C8orf58: variants seen among roughly 807,000 people sequenced by gnomAD.
C8orf58 encodes the protein uncharacterized protein C8orf58.
Under a neutral mutation model 36.8 loss-of-function variants are expected in C8orf58, and 31 were observed. The observed-to-expected ratio is 0.84, with a 90% confidence interval of 0.63 to 1.14. The LOEUF is 1.14. C8orf58 is among the 50% of genes most tolerant of loss of function. The pLI is 0.00. For synonymous variants in C8orf58, 230 were observed against 200.2 expected (o/e 1.15, Z -1.26); for missense variants, 538 against 480.8 (o/e 1.12, Z -1.11).
chr8:22,600,794 CT>C, intron 1 of C8orf58, 87 bp from the exon 2 acceptor site: 1 of 1,160,274 alleles, frequency 8.6e-7, no homozygotes, highest in Non-Finnish European at 1.2e-6. Context: ...CTCCGGGACA[CT>C]TCTCCCTGGG....
chr8:22,602,456 G>A, intron 5 of C8orf58, 81 bp from the exon 6 acceptor site: 2 of 1,371,884 alleles, frequency 1.5e-6, no homozygotes, highest in Non-Finnish European at 2.1e-6. Flanking sequence ...TGTCCTGGCT[G>A]TGGCGACAGC....
rs529077410 is a variant in C8orf58 at position 22,601,108 on chromosome 8, C to A, written c.267C>A (p.Asp89Glu). The part of the protein sequence containing the change: ...PLAALPGLSQ[D>E]SLDFESSGSS... ...CCGCCTTACCGGGCCTTTCTCAGGACTCCCTGGACTTTGAATCCTCAGGGA... is the reference window on the plus strand; with the variant it reads ...CCGCCTTACCGGGCCTTTCTCAGGAATCCCTGGACTTTGAATCCTCAGGGA... The change falls in exon 2 of 7, where the codon GAC (aspartate) becomes GAA (glutamate). Residue 89 changes from aspartate to glutamate, a missense_variant. Physicochemically the swap from Asp to Glu is conservative, Grantham distance 45. Transcript: ENST00000289989. 1.2e-6 allele frequency: 2 copies of A among 1,612,424 alleles called. No homozygotes were observed. The highest frequency in any genetic ancestry group is 2.7e-5 in the African/African-American group (2 of 75,050).
rs59546661 is a variant in C8orf58, at chr8:22,603,118, C to T, written c.987-77C>T. 5,908 of 1,141,588 alleles carry T rather than the reference C, an allele frequency of 5.2e-3. 162 individuals carry two copies. In the East Asian group the frequency reaches 0.068, roughly 13 times the overall value. 70.7% of individuals were successfully genotyped at this position (1,141,588 alleles called of 1,614,324 possible). On this transcript the variant is annotated intron_variant, in intron 6 of 6. Transcript: ENST00000289989. ...ACCCAGCTACCCACCAGCAGATAAACCACGTTCTCTCAACTCTAGGGCCAT... is the reference window on the plus strand; with the variant it reads ...ACCCAGCTACCCACCAGCAGATAAATCACGTTCTCTCAACTCTAGGGCCAT...
At chr8:22,602,160 G>T in intron 4 of C8orf58, 40 bp from the exon 5 acceptor site, 1 of 1,562,172 alleles carries the variant, frequency 6.4e-7, no homozygotes, top group Non-Finnish European at 8.7e-7. Flanking sequence ...GCTTGATGGG[G>T]TGTCTTCTGG....
chr8:22,603,195 G>C lies in C8orf58; in HGVS notation c.987G>C (p.Arg329Ser), dbSNP rs1800924290. 5 of 1,607,578 alleles carry C rather than the reference G, an allele frequency of 3.1e-6. No individual in the cohort carries two copies. Among genetic ancestry groups the C allele is most frequent in the Non-Finnish European group, 4.3e-6 (5 of 1,174,238 alleles). The change falls in exon 7 of 7, where the codon AGG (arginine) becomes AGC (serine). Residue 329 changes from arginine (R) to serine (S), a missense_variant and splice_region_variant. Physicochemically the swap from Arg to Ser is moderately radical, Grantham distance 110. Transcript: ENST00000289989. ...CTAATGTCTTCTTTTCATTCCACAG[G>C]ATCGAGTCCAGGGACCTCCCTGAAA... is the stretch of plus-strand genomic sequence containing the variant. ...PPAPPDGSDP[R>S]IESRDLPERP... is the part of the protein sequence containing the mutation.
At chr8:22,602,353 T>C in intron 5 of C8orf58, 41 bp downstream of exon 5, 1 of 152,768 alleles carries the variant, frequency 6.5e-6, no homozygotes, top group Non-Finnish European at 1.3e-5. Flanking sequence ...TGGGCTGGGG[T>C]GGGGGGAGGG....
chr8:22,603,782 C>T lies in C8orf58; in HGVS notation c.*476C>T, dbSNP rs1421433738. On this transcript the variant is annotated 3_prime_UTR_variant, in exon 7 of 7. Transcript: ENST00000289989. ...CAGAAGGATGGAACTGACCTTTATTCCCCAGTGGGCAGTTACTGAGCTTTC... is the reference window on the plus strand; with the variant it reads ...CAGAAGGATGGAACTGACCTTTATTTCCCAGTGGGCAGTTACTGAGCTTTC... 1 of 248,936 alleles carries T rather than the reference C, an allele frequency of 4.0e-6. No individual in the cohort carries two copies. The highest frequency in any genetic ancestry group is 4.4e-5 in the South Asian group (1 of 22,560). 15.4% of individuals were successfully genotyped at this position (248,936 alleles called of 1,614,324 possible).
At position 22,601,751 on chromosome 8, in the gene C8orf58, G is replaced by T. The variant is rs925227669; in HGVS notation, c.556G>T (p.Gly186Trp). 3.7e-6 allele frequency: 6 copies of T among 1,612,010 alleles called. No individual in the cohort carries two copies. Among genetic ancestry groups the T allele is most frequent in the Non-Finnish European group, 5.1e-6 (6 of 1,179,666 alleles). ...LGPGAWACLP[G>W]QGLRYLEHLC... is the part of the protein sequence containing the mutation. ...GCCTGGAGCCTGGGCCTGCCTCCCC[G>T]GGCAGGGTCTTCGCTATCTGGAACA... is the stretch of plus-strand genomic sequence containing the variant. The change falls in exon 3 of 7, where the codon GGG becomes TGG. Residue 186 changes from glycine (G) to tryptophan (W), a missense_variant. Transcript: ENST00000289989.
At chr8:22,601,662 G>C (rs1800860707) in intron 2 of C8orf58, 50 bp from the exon 3 acceptor site, 1 of 1,555,250 alleles carries the variant, frequency 6.4e-7, no homozygotes, top group Non-Finnish European at 8.7e-7. Context: ...CTTAGGGTAG[G>C]GCAGGAGCCC....
chr8:22,603,942 A>G lies in C8orf58; in HGVS notation c.*636A>G. The G allele has an allele frequency of 6.0e-6, 1 of 166,324 alleles. No individual in the cohort carries two copies. The allele number at this position is 166,324 out of a possible 1,614,324, so 10.3% of individuals were successfully genotyped here. ...ATCAGGGACAACCTGGGAACTGAAT[A>G]ACTTTCAAAGCCAGTGCTCAGCTTC... On this transcript the variant is annotated 3_prime_UTR_variant, in exon 7 of 7. Transcript: ENST00000289989.
intron 6 of C8orf58, 196 bp from the exon 7 acceptor site, chr8:22,602,999 G>C (rs187959223): frequency 0.012 from 7,469 of 603,552 alleles, 144 homozygotes; most frequent in South Asian, 0.063. Flanking sequence ...GGATTTCACA[G>C]TGGGTGAAGG....
At position 22,601,870 on chromosome 8, in the gene C8orf58, G is replaced by T. The variant is rs766470868; in HGVS notation, c.657+18G>T. ...CCCCAGGGGTGAGTGAGATTCGAGT[G>T]GGGGAGGGAGAGGACAGATGGGACC... On this transcript the variant is annotated intron_variant, in intron 3 of 6. Coordinates refer to ENST00000289989, the MANE Select transcript of C8orf58 (RefSeq NM_001013842.3). 7.5e-6 allele frequency: 12 copies of T among 1,592,888 alleles called. No individual in the cohort carries two copies. The highest frequency in any genetic ancestry group is 1.0e-5 in the Non-Finnish European group (12 of 1,168,440).
At chr8:22,600,809 G>A (rs896982917) in intron 1 of C8orf58, 73 bp from the exon 2 acceptor site, 10 of 1,304,052 alleles carry the variant, frequency 7.7e-6, no homozygotes, top group Non-Finnish European at 1.1e-5. Context: ...CCCTGGGGCA[G>A]TGCTGCCAGC....
Position 22,602,289 on chromosome 8 carries a change from T to C in C8orf58, c.856T>C (p.Leu286=). The C allele has an allele frequency of 6.4e-7, 1 of 1,561,658 alleles. No individual in the cohort carries two copies. Among genetic ancestry groups the C allele is most frequent in the South Asian group, 1.1e-5 (1 of 88,540 alleles). The change falls in exon 5 of 7, where the codon TTG becomes CTG. Residue 286 remains leucine (L), a synonymous_variant. Coordinates refer to ENST00000289989, the MANE Select transcript of C8orf58 (RefSeq NM_001013842.3). ...AACCCCAGTGGAGCCAACGTACCAC[T>C]TGCCATCCTCCCAGGGACACAAGGT... The part of the protein sequence containing the change: ...PETPVEPTYH[L]PSSQGHKRDI...
At chr8:22,600,788 G>C (rs1015491737) in intron 1 of C8orf58, 94 bp from the exon 2 acceptor site, 13 of 1,092,476 alleles carry the variant, frequency 1.2e-5, no homozygotes, top group Non-Finnish European at 1.6e-5. Flanking sequence ...TCACTGCTCC[G>C]GGACACTTCT....
intron 1 of C8orf58, chr8:22,600,101 C>T (rs1800806560): frequency 9.2e-6 from 2 of 216,876 alleles, no homozygotes; most frequent in Admixed American, 5.9e-5. Context: ...CACCCAGTGA[C>T]CTCCTGGCCC....
At position 22,601,248 on chromosome 8, in the gene C8orf58, G is replaced by T; in HGVS notation, c.407G>T (p.Arg136Leu). 6.2e-7 allele frequency: 1 copy of T among 1,609,504 alleles called. No homozygotes were observed. Among genetic ancestry groups the T allele is most frequent in the Non-Finnish European group, 8.5e-7 (1 of 1,178,176 alleles). ...TAPTSLSGQH[R>L]SLRLASKPER... The stretch of plus-strand genomic sequence containing the variant: ...CCCACCAGCTTGTCAGGACAACACC[G>T]CTCCCTGCGGCTGGCAAGCAAGCCT... Residue 136 changes from arginine to leucine, a missense_variant, in exon 2 of 7, where the codon CGC (arginine) becomes CTC (leucine). Arg to Leu is a moderately radical substitution (Grantham distance 102). Coordinates refer to ENST00000289989, the MANE Select transcript of C8orf58 (RefSeq NM_001013842.3).
chr8:22,602,461 G>T, intron 5 of C8orf58, 76 bp from the exon 6 acceptor site: 1 of 1,388,788 alleles, frequency 7.2e-7, no homozygotes, highest in South Asian at 1.2e-5. Context: ...TGGCTGTGGC[G>T]ACAGCTGTCT....
Position 22,602,016 on chromosome 8 carries a change from G to T in C8orf58, c.702G>T (p.Pro234=), listed in dbSNP as rs73672798. 3 of 1,576,750 alleles carry T rather than the reference G, an allele frequency of 1.9e-6. No homozygotes were observed. The highest frequency in any genetic ancestry group is 1.2e-5 in the South Asian group (1 of 86,810). Residue 234 remains proline (P), a synonymous_variant, in exon 4 of 7, where the codon CCG becomes CCT. Transcript: ENST00000289989. ...CGACCCGAGCCCCTTTACCGTCCCC[G>T]TTACACACCCCAGGCAATCGGGGGC... is the stretch of plus-strand genomic sequence containing the variant. ...EESTRAPLPS[P]LHTPGNRGQG... is the part of the protein sequence containing the mutation.
Sources: gnomAD v4.1 joint callset for allele counts on GRCh38, gnomAD v4.1.1 for gene constraint, MANE v1.5 for transcripts, NCBI Gene and HGNC (gene_info 2026-07-23, HGNC 2026-07-21) for gene names.